Variants in DCC observed in about 807,000 individuals in gnomAD.
DCC encodes netrin receptor DCC.
DCC carries 58 observed loss-of-function variants against 172.5 expected under a neutral mutation model. That is an observed-to-expected ratio of 0.34 (90% CI 0.27 to 0.42). DCC has a LOEUF of 0.42. Ranked by LOEUF, DCC falls within the 10% of genes least tolerant of loss-of-function variation. The pLI is 1.00. For synonymous variants in DCC, 709 were observed against 644.5 expected (o/e 1.10, Z -1.52); for missense variants, 1,740 against 1,791.0 (o/e 0.97, Z 0.51).
rs116600002 is a variant in DCC, at chr18:52,896,178, A to G, written c.413-9866A>G. Among the ~76,000 whole-genome samples the G allele has an allele frequency of 2.1e-3, 315 of 152,234 alleles. 1 individual carries two copies. The highest frequency in any genetic ancestry group is 7.2e-3 in the African/African-American group (299 of 41,528). ...CAGTATTGTTAATTATCATTTTAAGAGGTTTTTTGCAACACTGATAGGCTA... is the reference window on the plus strand; with the variant it reads ...CAGTATTGTTAATTATCATTTTAAGGGGTTTTTTGCAACACTGATAGGCTA... On this transcript the variant is annotated intron_variant, in intron 2 of 28. Coordinates refer to ENST00000442544, the MANE Select transcript of DCC (RefSeq NM_005215.4).
chr18:53,023,506 G>T (rs1172622068), intron 5 of DCC, among the ~76,000 whole-genome samples: 1 of 146,546 alleles, frequency 6.8e-6, no homozygotes, highest in Non-Finnish European at 1.5e-5. Flanking sequence ...GAAATAATTT[G>T]TGTACCAAAC....
intron 1 of DCC, among the ~76,000 whole-genome samples, chr18:52,681,784 T>C (rs1011121100): frequency 2.0e-5 from 3 of 152,208 alleles, no homozygotes; most frequent in Non-Finnish European, 2.9e-5. Flanking sequence ...GCGCAGACAA[T>C]GTGAGGAGAC....
At chr18:53,074,779 C>T (rs1174874561) in intron 7 of DCC, among the ~76,000 whole-genome samples, 1 of 152,060 alleles carries the variant, frequency 6.6e-6, no homozygotes, top group East Asian at 1.9e-4. Context: ...GTGTCCACAT[C>T]TCATTTCTAC....
Position 53,466,130 on chromosome 18 carries a change from C to T in DCC, c.3620-1764C>T, listed in dbSNP as rs576330454. 2.6e-5 allele frequency among the ~76,000 whole-genome samples: 4 copies of T among 152,248 alleles called. 1 individual carries two copies. In the South Asian group the frequency reaches 8.3e-4, roughly 32 times the overall value. On this transcript the variant is annotated intron_variant, in intron 24 of 28. Transcript: ENST00000442544. Reference sequence around the variant, plus strand: ...TTTATTTTGTTTTTAGAGATGGGGTCTCACTGTTGAACAGACTGGTCTCAA... The same window carrying T: ...TTTATTTTGTTTTTAGAGATGGGGTTTCACTGTTGAACAGACTGGTCTCAA...
chr18:53,396,477 A>AATAATACCAACACCACTTT (rs1460552362), intron 17 of DCC, among the ~76,000 whole-genome samples: 1 of 152,218 alleles, frequency 6.6e-6, no homozygotes, highest in Non-Finnish European at 1.5e-5. Context: ...AGAAGACTTC[A>AATAATACCAACACCACTTT]ATAATACCAA....
chr18:53,500,429 T>G (rs1402444570), intron 27 of DCC, among the ~76,000 whole-genome samples: 2 of 152,196 alleles, frequency 1.3e-5, no homozygotes, highest in African/African-American at 4.8e-5. Context: ...GCAGCTGAAC[T>G]GGGCTAATCT....
At chr18:52,775,041 G>A (rs74671490) in intron 2 of DCC, among the ~76,000 whole-genome samples, 13,244 of 152,190 alleles carry the variant, frequency 0.087, 669 homozygotes, top group South Asian at 0.18. Flanking sequence ...GGGAAACAGA[G>A]CCTCTTACCA....
chr18:52,794,444 T>A (rs990328458), intron 2 of DCC, among the ~76,000 whole-genome samples: 1 of 152,076 alleles, frequency 6.6e-6, no homozygotes, highest in Admixed American at 6.6e-5. Flanking sequence ...ATTTTTAAAA[T>A]CTAGTTTGTT....
At chr18:52,833,806 G>A (rs111607397) in intron 2 of DCC, among the ~76,000 whole-genome samples, 25,126 of 152,030 alleles carry the variant, frequency 0.17, 2,129 homozygotes, top group South Asian at 0.27. Flanking sequence ...GACTACAGGC[G>A]CGTGGCACCA....
intron 1 of DCC, among the ~76,000 whole-genome samples, chr18:52,471,713 G>A (rs376781021): frequency 9.9e-5 from 15 of 152,118 alleles, no homozygotes; most frequent in Non-Finnish European, 1.9e-4. Context: ...TGCAGCTTCC[G>A]CTCACAGGTA....
chr18:52,644,664 A>G (rs893844799), intron 1 of DCC, among the ~76,000 whole-genome samples: 3 of 150,936 alleles, frequency 2.0e-5, no homozygotes, highest in African/African-American at 7.3e-5. Flanking sequence ...CTGAGGTGGG[A>G]GGATCACTTG....
chr18:52,508,435 C>T (rs1254084450), intron 1 of DCC, among the ~76,000 whole-genome samples: 1 of 152,104 alleles, frequency 6.6e-6, no homozygotes, highest in Admixed American at 6.6e-5. Context: ...TTTCAGATTA[C>T]ACAGCATGCC....
chr18:53,207,091 A>C (rs1263864720), intron 10 of DCC, among the ~76,000 whole-genome samples: 1 of 152,156 alleles, frequency 6.6e-6, no homozygotes, highest in Non-Finnish European at 1.5e-5. Flanking sequence ...AACCAATTTA[A>C]ATAAATTCAA....
chr18:53,325,842 A>T (rs144977857), intron 14 of DCC, among the ~76,000 whole-genome samples: 9 of 152,338 alleles, frequency 5.9e-5, no homozygotes, highest in African/African-American at 1.9e-4. Flanking sequence ...AGCTCTATTG[A>T]GAACCAGACA....
chr18:52,464,806 C>T (rs1598839665), intron 1 of DCC, among the ~76,000 whole-genome samples: 1 of 151,906 alleles, frequency 6.6e-6, no homozygotes, highest in East Asian at 1.9e-4. Flanking sequence ...TTACATTTGC[C>T]ATGTAAAGCG....
chr18:53,425,357 C>CTCTTTTTTTT (rs1384934198), intron 21 of DCC, among the ~76,000 whole-genome samples: 1 of 101,632 alleles, frequency 9.8e-6, no homozygotes, highest in Non-Finnish European at 1.9e-5. Flanking sequence ...TTTCTCCTCT[C>CTCTTTTTTTT]TTTTTTTTTT....
At chr18:52,554,519 T>C (rs1190551160) in intron 1 of DCC, among the ~76,000 whole-genome samples, 4 of 152,116 alleles carry the variant, frequency 2.6e-5, no homozygotes, top group African/African-American at 7.2e-5. Context: ...AAAAGATCAG[T>C]GACAGATCAG....
chr18:52,844,337 C>CAGACAG (rs1555672366), intron 2 of DCC, among the ~76,000 whole-genome samples: 1 of 151,958 alleles, frequency 6.6e-6, no homozygotes, highest in South Asian at 2.1e-4. Flanking sequence ...GACAGACAGA[C>CAGACAG]AGATAGATAG....
chr18:52,573,084 A>G (rs1389064015), intron 1 of DCC, among the ~76,000 whole-genome samples: 2 of 152,216 alleles, frequency 1.3e-5, no homozygotes, highest in South Asian at 2.1e-4. Context: ...TTGTAACAGG[A>G]AAGTTCACAT....
Sources: gnomAD v4.1 joint callset for allele counts (sites outside exome capture counted in the v4.1 genomes callset) on GRCh38, gnomAD v4.1.1 for gene constraint, MANE v1.5 for transcripts, NCBI Gene and HGNC (gene_info 2026-07-23, HGNC 2026-07-21) for gene names.